PCDHGA5: variants seen among roughly 807,000 people sequenced by gnomAD.
The protein encoded by PCDHGA5 is protocadherin gamma subfamily A, 5.
A neutral mutation model predicts 56.7 loss-of-function variants in PCDHGA5; 36 were observed. The ratio of observed to expected loss-of-function variants is 0.64; its 90% CI spans 0.49 to 0.84. The LOEUF (loss-of-function observed/expected upper bound fraction) is 0.84, where lower values mean the gene tolerates loss of function less well. PCDHGA5 is among the 40% of genes least tolerant of loss of function. The probability of loss-of-function intolerance (pLI) is 0.00; values close to 1 mark genes in which losing one functional copy is unlikely to be tolerated. For missense variants in PCDHGA5, 1,305 were observed against 1,201.5 expected, an observed-to-expected ratio of 1.09 and a Z score of -1.27; for synonymous variants, 563 against 520.2, an observed-to-expected ratio of 1.08 and a Z score of -1.12.
chr5:141,385,283 T>C, intron 1 of PCDHGA5: 1 of 1,613,444 alleles, frequency 6.2e-7, no homozygotes, highest in Non-Finnish European at 8.5e-7. Flanking sequence ...CTAACATCCG[T>C]AGATTTTCAG....
At chr5:141,503,598 C>CTAA (rs2099824827) in intron 2 of PCDHGA5, among the ~76,000 whole-genome samples, 2 of 65,752 alleles carry the variant, frequency 3.0e-5, no homozygotes, top group African/African-American at 9.3e-5. Flanking sequence ...GACTCCAGCT[C>CTAA]AAAAAAAAAA....
chr5:141,365,075 G>T lies in PCDHGA5; in HGVS notation c.745G>T (p.Val249Leu), dbSNP rs754573655. The T allele has an allele frequency of 1.2e-6, 2 of 1,613,724 alleles. No homozygotes were observed. The highest frequency in any genetic ancestry group is 1.1e-5 in the South Asian group (1 of 91,088). Reference protein sequence around the residue: ...APLFTPSEYSVSVPENIPVGT... With the variant: ...APLFTPSEYSLSVPENIPVGT... ...CCTGTTCACCCCATCCGAGTACAGCGTGAGTGTTCCAGAGAACATACCTGT... is the reference window on the plus strand; with the variant it reads ...CCTGTTCACCCCATCCGAGTACAGCTTGAGTGTTCCAGAGAACATACCTGT... The change falls in exon 1 of 4, where the codon GTG becomes TTG. Residue 249 changes from valine (V) to leucine (L), a missense_variant. By Grantham distance (32) the Val-to-Leu change is conservative. Coordinates refer to ENST00000518069, the MANE Select transcript of PCDHGA5 (RefSeq NM_018918.3).
chr5:141,398,051 C>T, intron 1 of PCDHGA5: 1 of 1,512,220 alleles, frequency 6.6e-7, no homozygotes, highest in Non-Finnish European at 8.9e-7. Flanking sequence ...GTTCGGAGAT[C>T]CAAAAATCTA....
intron 1 of PCDHGA5, chr5:141,423,461 A>G (rs1590478217): frequency 6.2e-7 from 1 of 1,613,982 alleles, no homozygotes; most frequent in Non-Finnish European, 8.5e-7. Context: ...GTAGGCGTGG[A>G]CGGGGTACAG....
Position 141,376,087 on chromosome 5 carries a change from C to G in PCDHGA5, c.2421+9336C>G, listed in dbSNP as rs1772268954. On this transcript the variant is annotated intron_variant, in intron 1 of 3. Coordinates refer to ENST00000518069, the MANE Select transcript of PCDHGA5 (RefSeq NM_018918.3). The stretch of plus-strand genomic sequence containing the variant: ...TCACCGTGGCCGTGGCCGACAGGAT[C>G]CCCGACATCCTGGCCGACCTGGGCA... 1 of 1,613,538 alleles carries G rather than the reference C, an allele frequency of 6.2e-7. No individual in the cohort carries two copies. The highest frequency in any genetic ancestry group is 8.5e-7 in the Non-Finnish European group (1 of 1,179,934).
chr5:141,384,186 TC>T (rs1369721575), intron 1 of PCDHGA5: 3 of 1,613,730 alleles, frequency 1.9e-6, no homozygotes, highest in Admixed American at 1.7e-5. Flanking sequence ...ATGGTGGAAC[TC>T]CTCCCTTGTC....
intron 1 of PCDHGA5, among the ~76,000 whole-genome samples, chr5:141,492,893 C>T (rs936521362): frequency 2.0e-5 from 3 of 152,178 alleles, no homozygotes; most frequent in Admixed American, 6.5e-5. Flanking sequence ...AGGCTTTTGG[C>T]GCCGTCGTGA....
intron 1 of PCDHGA5, chr5:141,396,409 A>C (rs2093377043): frequency 6.6e-6 from 1 of 152,270 alleles, no homozygotes; most frequent in Non-Finnish European, 1.5e-5. Context: ...ACCTGAGGTC[A>C]GGAGTTCAAG....
intron 1 of PCDHGA5, among the ~76,000 whole-genome samples, chr5:141,459,971 A>G (rs1458539493): frequency 2.6e-5 from 4 of 152,208 alleles, no homozygotes; most frequent in Non-Finnish European, 5.9e-5. Flanking sequence ...CCAGCTACTC[A>G]GGAGGCTGAG....
intron 1 of PCDHGA5, chr5:141,393,734 A>G (rs1453820640): frequency 1.9e-6 from 3 of 1,613,888 alleles, no homozygotes; most frequent in East Asian, 2.2e-5. Context: ...CAAAAAGTCT[A>G]GATTATGAAG....
intron 1 of PCDHGA5, among the ~76,000 whole-genome samples, chr5:141,492,886 C>A (rs1479930324): frequency 6.6e-6 from 1 of 152,178 alleles, no homozygotes; most frequent in African/African-American, 2.4e-5. Context: ...GAGATACAGG[C>A]TTTTGGCGCC....
At chr5:141,453,745 A>G (rs1208061874) in intron 1 of PCDHGA5, among the ~76,000 whole-genome samples, 1 of 152,264 alleles carries the variant, frequency 6.6e-6, no homozygotes, top group African/African-American at 2.4e-5. Context: ...CTTAAATAAC[A>G]TAAGTCTCCT....
intron 1 of PCDHGA5, chr5:141,393,429 G>GCAA (rs761074463): frequency 2.5e-6 from 4 of 1,613,910 alleles, no homozygotes; most frequent in South Asian, 1.1e-5. Flanking sequence ...GGAGGAAGAG[G>GCAA]CTGCTCACCA....
intron 2 of PCDHGA5, among the ~76,000 whole-genome samples, chr5:141,496,628 C>T (rs928402582): frequency 2.0e-5 from 3 of 152,212 alleles, no homozygotes; most frequent in Non-Finnish European, 2.9e-5. Flanking sequence ...GATCAAAAGG[C>T]TTGGGCTGCC....
At chr5:141,418,369 C>G (rs763319499) in intron 1 of PCDHGA5, 62 of 1,613,842 alleles carry the variant, frequency 3.8e-5, no homozygotes, top group Non-Finnish European at 4.8e-5. Context: ...TGAGCAAATA[C>G]CAACTAAGTC....
At chr5:141,376,085 A>T (rs777795289) in intron 1 of PCDHGA5, 1 of 1,613,530 alleles carries the variant, frequency 6.2e-7, no homozygotes. Flanking sequence ...GGCCGACAGG[A>T]TCCCCGACAT....
chr5:141,396,893 A>G (rs1441946913), intron 1 of PCDHGA5, among the ~76,000 whole-genome samples: 2 of 152,226 alleles, frequency 1.3e-5, no homozygotes, highest in Non-Finnish European at 1.5e-5. Flanking sequence ...AGGACAACAT[A>G]TTATTGGCAC....
rs770391604 is a variant in PCDHGA5, at chr5:141,431,437, G to A, written c.2422-63370G>A. On this transcript the variant is annotated intron_variant, in intron 1 of 3. Coordinates refer to ENST00000518069, the MANE Select transcript of PCDHGA5 (RefSeq NM_018918.3). The surrounding 1 kb of genome is among the most constrained non-coding windows in gnomAD (Gnocchi z 4.8). ...GCGACCCGGTGCGCACAGGCACCGC[G>A]CGCATCCGCGTGATGGTTCTGGATG... The A allele has an allele frequency of 7.4e-6, 12 of 1,613,710 alleles. No homozygotes were observed. In the East Asian group the frequency reaches 2.5e-4, roughly 33 times the overall value.
Position 141,506,445 on chromosome 5 carries a change from A to T in PCDHGA5, c.2569+964A>T, listed in dbSNP as rs1018306383. 3.8e-3 allele frequency among the ~76,000 whole-genome samples: 112 copies of T among 29,226 alleles called. No individual in the cohort carries two copies. The Middle Eastern group carries it at 0.08, about 21-fold the overall frequency. The allele number at this position is 29,226 out of a possible 152,430, so 19.2% of individuals were successfully genotyped here. ...CTGGGCAACAGTCTCGCTCTGTCTC[A>T]AAAAAAAAAAAAAAAAAAAAGAGCA... On this transcript the variant is annotated intron_variant, in intron 3 of 3. Transcript: ENST00000518069.
Sources: gnomAD v4.1 joint callset for allele counts (sites outside exome capture counted in the v4.1 genomes callset) on GRCh38, gnomAD v4.1.1 for gene constraint, Gnocchi (gnomAD v3.1) non-coding constraint, MANE v1.5 for transcripts, NCBI Gene and HGNC (gene_info 2026-07-23, HGNC 2026-07-21) for gene names.